ADGRB3: variants seen among roughly 807,000 people sequenced by gnomAD.
The protein encoded by ADGRB3 is adhesion G protein-coupled receptor B3, also known as brain-specific angiogenesis inhibitor 3.
A neutral mutation model predicts 193.4 loss-of-function variants in ADGRB3; 37 were observed. That is an observed-to-expected ratio of 0.19 (90% CI 0.15 to 0.25). The LOEUF is 0.25. Ranked by LOEUF, ADGRB3 falls within the 10% of genes least tolerant of loss-of-function variation. The pLI is 1.00. For missense variants in ADGRB3, 1,637 were observed against 1,852.9 expected (o/e 0.88, Z 2.14); for synonymous variants, 690 against 644.2 (o/e 1.07, Z -1.08).
intron 17 of ADGRB3, among the ~76,000 whole-genome samples, chr6:69,151,743 A>G (rs754642014): frequency 9.9e-5 from 15 of 152,132 alleles, no homozygotes; most frequent in Non-Finnish European, 1.6e-4. Context: ...ATTTGTTTAT[A>G]TTATACAGAA....
chr6:69,214,134 G>T (rs1471211628), intron 17 of ADGRB3, among the ~76,000 whole-genome samples: 2 of 152,194 alleles, frequency 1.3e-5, no homozygotes, highest in Non-Finnish European at 2.9e-5. Flanking sequence ...AATATCCCAT[G>T]CAGGGGTAGA....
intron 3 of ADGRB3, among the ~76,000 whole-genome samples, chr6:68,766,851 A>C (rs767573382): frequency 2.0e-4 from 31 of 152,044 alleles, no homozygotes; most frequent in Non-Finnish European, 3.7e-4. Context: ...TTAAAAACAC[A>C]ACTAGTTATG....
At chr6:69,121,174 C>G (rs1217836951) in intron 17 of ADGRB3, among the ~76,000 whole-genome samples, 2 of 151,840 alleles carry the variant, frequency 1.3e-5, no homozygotes, top group Non-Finnish European at 1.5e-5. Context: ...TGTTTGTGTC[C>G]CTGGGTACTT....
chr6:69,344,286 G>T (rs545396489), intron 26 of ADGRB3, among the ~76,000 whole-genome samples: 1 of 152,314 alleles, frequency 6.6e-6, no homozygotes, highest in African/African-American at 2.4e-5. Flanking sequence ...ACTGGCAGGA[G>T]GTCTAGGCTG....
chr6:69,075,301 T>C (rs561080438), intron 16 of ADGRB3, among the ~76,000 whole-genome samples: 1 of 152,316 alleles, frequency 6.6e-6, no homozygotes, highest in African/African-American at 2.4e-5. Flanking sequence ...TGTAGAAACA[T>C]GTATCTAAAT....
chr6:68,934,930 A>G (rs531511468), intron 4 of ADGRB3, among the ~76,000 whole-genome samples: 168 of 152,312 alleles, frequency 1.1e-3, no homozygotes, highest in African/African-American at 3.9e-3. Context: ...TTATCTATAC[A>G]TTATTTTCAA....
chr6:69,196,542 A>C (rs1367318801), intron 17 of ADGRB3, among the ~76,000 whole-genome samples: 1 of 152,198 alleles, frequency 6.6e-6, no homozygotes, highest in East Asian at 1.9e-4. Flanking sequence ...TGCATCCCAA[A>C]TGTCTATCCT....
At chr6:68,733,707 G>A (rs995317312) in intron 3 of ADGRB3, among the ~76,000 whole-genome samples, 3 of 150,900 alleles carry the variant, frequency 2.0e-5, no homozygotes, top group African/African-American at 7.4e-5. Context: ...TACAAAAATA[G>A]AAAGAGTGAA....
chr6:68,680,021 TG>T (rs1032957473), intron 3 of ADGRB3, among the ~76,000 whole-genome samples: 7 of 152,134 alleles, frequency 4.6e-5, no homozygotes, highest in African/African-American at 1.7e-4. Flanking sequence ...AAAAGTGGAC[TG>T]AGAGAGACTC....
rs1468816433 is a variant in ADGRB3, at chr6:69,241,794, A to T, written c.2814+2568A>T. ...TGCAACCAAAGTGGTTTTGTATCAG[A>T]TTGACTAATGCTAATTTTTGCTACT... On this transcript the variant is annotated intron_variant, in intron 20 of 31. Coordinates refer to ENST00000370598, the MANE Select transcript of ADGRB3 (RefSeq NM_001704.3). 3.3e-5 allele frequency among the ~76,000 whole-genome samples: 5 copies of T among 151,934 alleles called. No individual in the cohort carries two copies. In the South Asian group the frequency reaches 1.0e-3, roughly 31 times the overall value.
rs188721876 is a variant in ADGRB3 at position 68,938,418 on chromosome 6, T to C, written c.1030+1738T>C. On this transcript the variant is annotated intron_variant, in intron 5 of 31. Coordinates refer to ENST00000370598, the MANE Select transcript of ADGRB3 (RefSeq NM_001704.3). ...GGCAGGTAACATGTATGTTTTTATC[T>C]TGTATAACATGATATTTTGAGGTAT... Among the ~76,000 whole-genome samples the C allele has an allele frequency of 3.7e-4, 52 of 140,650 alleles. 1 individual carries two copies. The highest frequency in any genetic ancestry group is 1.3e-3 in the African/African-American group (51 of 37,880). The allele number at this position is 140,650 out of a possible 152,430, so 92.3% of individuals were successfully genotyped here.
intron 17 of ADGRB3, among the ~76,000 whole-genome samples, chr6:69,116,570 A>T (rs530147866): frequency 1.1e-4 from 16 of 152,316 alleles, no homozygotes; most frequent in East Asian, 1.9e-4. Flanking sequence ...ATCAGGAAAA[A>T]TAAGGATTAC....
intron 3 of ADGRB3, among the ~76,000 whole-genome samples, chr6:68,907,228 G>C (rs1316927269): frequency 6.6e-6 from 1 of 151,714 alleles, no homozygotes; most frequent in African/African-American, 2.4e-5. Context: ...ATTTATTATT[G>C]ATATAGCAAA....
intron 3 of ADGRB3, among the ~76,000 whole-genome samples, chr6:68,897,253 G>A (rs1766242818): frequency 6.6e-6 from 1 of 151,794 alleles, no homozygotes; most frequent in African/African-American, 2.4e-5. Context: ...CCAGCATTTT[G>A]GGAAGTCAAG....
chr6:69,063,179 A>G (rs1771800403), intron 16 of ADGRB3, 143 bp downstream of exon 16: 2 of 545,038 alleles, frequency 3.7e-6, no homozygotes, highest in Admixed American at 7.3e-5. Context: ...TGTATTATAA[A>G]GAAACAGAAT....
intron 17 of ADGRB3, among the ~76,000 whole-genome samples, chr6:69,133,641 C>T (rs148204267): frequency 5.9e-5 from 9 of 151,560 alleles, no homozygotes; most frequent in African/African-American, 1.7e-4. Context: ...ATCCTGATAA[C>T]GAAACCCGGC....
chr6:68,695,008 A>T lies in ADGRB3; in HGVS notation c.757+55576A>T, dbSNP rs115509029. ...AATAGGCATCGTATAGTCTATTTTC[A>T]GTGATATCTAATAAAACTTGTGATG... On this transcript the variant is annotated intron_variant, in intron 3 of 31. Coordinates refer to ENST00000370598, the MANE Select transcript of ADGRB3 (RefSeq NM_001704.3). Among the ~76,000 whole-genome samples, 329 of 152,218 alleles carry T rather than the reference A, an allele frequency of 2.2e-3. 2 individuals carry two copies. Among genetic ancestry groups the T allele is most frequent in the African/African-American group, 7.7e-3 (319 of 41,574 alleles).
intron 20 of ADGRB3, among the ~76,000 whole-genome samples, chr6:69,305,540 TG>T (rs1768050371): frequency 6.6e-6 from 1 of 151,362 alleles, no homozygotes; most frequent in African/African-American, 2.4e-5. Flanking sequence ...CCCTTCTGCA[TG>T]TAAGTCCCTT....
chr6:69,099,024 A>C (rs1243867092), intron 17 of ADGRB3, among the ~76,000 whole-genome samples: 2 of 152,194 alleles, frequency 1.3e-5, no homozygotes, highest in East Asian at 3.9e-4. Flanking sequence ...TGAAATTTTG[A>C]TACTAAAGTC....
Sources: gnomAD v4.1 joint callset for allele counts (sites outside exome capture counted in the v4.1 genomes callset) on GRCh38, gnomAD v4.1.1 for gene constraint, MANE v1.5 for transcripts, NCBI Gene and HGNC (gene_info 2026-07-23, HGNC 2026-07-21) for gene names.